The following TTC28 variants were observed in gnomAD, a reference collection of about 807,000 sequenced individuals.
The protein encoded by TTC28 is tetratricopeptide repeat domain 28, also known as tetratricopeptide repeat protein 28.
TTC28 carries 61 observed loss-of-function variants against 198.0 expected under a neutral mutation model. The ratio of observed to expected loss-of-function variants is 0.31; its 90% CI spans 0.25 to 0.38. TTC28 has a LOEUF of 0.38. TTC28 is among the 10% of genes least tolerant of loss of function. The probability of loss-of-function intolerance (pLI) is 1.00; values close to 1 mark genes in which losing one functional copy is unlikely to be tolerated. For missense variants in TTC28, 2,678 were observed against 3,164.0 expected (o/e 0.85, Z 3.69); for synonymous variants, 1,171 against 1,297.8 (o/e 0.90, Z 2.10).
At chr22:28,592,134 G>A (rs1323442598) in intron 2 of TTC28, among the ~76,000 whole-genome samples, 1 of 152,120 alleles carries the variant, frequency 6.6e-6, no homozygotes, top group Non-Finnish European at 1.5e-5. Flanking sequence ...ACTAGGTTAT[G>A]AAGAGAAGCT....
intron 2 of TTC28, among the ~76,000 whole-genome samples, chr22:28,579,752 T>C (rs2050208165): frequency 6.6e-6 from 1 of 151,738 alleles, no homozygotes; most frequent in Non-Finnish European, 1.5e-5. Flanking sequence ...GCAGATCACT[T>C]GAGGTCAGGA....
intron 5 of TTC28, among the ~76,000 whole-genome samples, chr22:28,231,677 G>A (rs1928817412): frequency 6.6e-6 from 1 of 152,194 alleles, no homozygotes; most frequent in Non-Finnish European, 1.5e-5. Context: ...ACTCAGCTGT[G>A]ATAGACCAGG....
intron 8 of TTC28, among the ~76,000 whole-genome samples, chr22:28,101,777 T>A: frequency 1.0e-5 from 1 of 95,926 alleles, no homozygotes; most frequent in East Asian, 3.2e-4. Context: ...GAGACCCATC[T>A]CTGTTAAAAA....
intron 1 of TTC28, among the ~76,000 whole-genome samples, chr22:28,652,694 C>A (rs2051582360): frequency 6.6e-6 from 1 of 152,150 alleles, no homozygotes; most frequent in Non-Finnish European, 1.5e-5. Flanking sequence ...TTGTTCCAGG[C>A]TGAAACAACA....
intron 5 of TTC28, among the ~76,000 whole-genome samples, chr22:28,207,379 T>A (rs559550795): frequency 2.0e-5 from 3 of 152,236 alleles, no homozygotes; most frequent in African/African-American, 7.2e-5. Flanking sequence ...AAAAACACTA[T>A]GCTTGGCTAC....
chr22:28,236,152 G>C (rs890317625), intron 5 of TTC28, among the ~76,000 whole-genome samples: 1 of 152,118 alleles, frequency 6.6e-6, no homozygotes, highest in African/African-American at 2.4e-5. Context: ...CACAATCCTA[G>C]TTCCGCAGCT....
At chr22:28,373,078 G>A (rs571315078) in intron 2 of TTC28, among the ~76,000 whole-genome samples, 109 of 152,196 alleles carry the variant, frequency 7.2e-4, no homozygotes, top group African/African-American at 2.4e-3. Flanking sequence ...ATGGATACAG[G>A]TGACCTCACC....
chr22:28,209,313 G>A (rs1926692703), intron 5 of TTC28, among the ~76,000 whole-genome samples: 1 of 152,310 alleles, frequency 6.6e-6, no homozygotes, highest in Admixed American at 6.5e-5. Flanking sequence ...GCAACCCACA[G>A]AGTGTGAGCC....
At chr22:28,338,672 C>T (rs570865977) in intron 2 of TTC28, among the ~76,000 whole-genome samples, 6 of 152,126 alleles carry the variant, frequency 3.9e-5, no homozygotes, top group South Asian at 2.1e-4. Flanking sequence ...GTTCTCGTGC[C>T]GTGGTTTTCA....
intron 21 of TTC28, among the ~76,000 whole-genome samples, chr22:27,986,639 T>C (rs1385611966): frequency 6.6e-6 from 1 of 152,202 alleles, no homozygotes; most frequent in African/African-American, 2.4e-5. Context: ...GGGCCCATAG[T>C]ACACGATGTT....
In TTC28 at chr22:28,591,036, CACACATATATATAT is replaced by C. The variant is rs1336869183; in HGVS notation, c.381+38502_381+38515del. ...ACACACACACACACACACACACACA[CACACATATATATAT>C]ATATATATATATATATATATATATA... is the stretch of plus-strand genomic sequence containing the variant. On this transcript the variant is annotated intron_variant, in intron 2 of 22. Coordinates refer to ENST00000397906, the MANE Select transcript of TTC28 (RefSeq NM_001145418.2). Among the ~76,000 whole-genome samples, 144 of 29,264 alleles carry C rather than the reference CACACATATATATAT, an allele frequency of 4.9e-3. 1 individual carries two copies. The highest frequency in any genetic ancestry group is 0.019 in the Middle Eastern group (1 of 52). 19.2% of individuals were successfully genotyped at this position (29,264 alleles called of 152,430 possible).
intron 21 of TTC28, among the ~76,000 whole-genome samples, chr22:27,987,531 A>G (rs1325439196): frequency 1.3e-5 from 2 of 152,208 alleles, no homozygotes; most frequent in Admixed American, 6.5e-5. Flanking sequence ...CAGGAGCTGG[A>G]GAACAGCCTG....
At chr22:27,998,225 C>G (rs372882807) in intron 16 of TTC28, 38 of 430,976 alleles carry the variant, frequency 8.8e-5, no homozygotes, top group African/African-American at 6.3e-4. Flanking sequence ...ACCACACACT[C>G]CTTTCTACAG....
At chr22:28,458,880 C>CAAA (rs770042819) in intron 2 of TTC28, among the ~76,000 whole-genome samples, 1 of 105,346 alleles carries the variant, frequency 9.5e-6, no homozygotes, top group Non-Finnish European at 2.0e-5. Context: ...GACTCCATCT[C>CAAA]AAAAAAAAAA....
intron 5 of TTC28, among the ~76,000 whole-genome samples, chr22:28,182,056 G>T (rs1370735831): frequency 2.0e-5 from 3 of 151,858 alleles, no homozygotes; most frequent in East Asian, 1.9e-4. Context: ...GTTTGTTTGG[G>T]GTTAAATTCT....
chr22:28,051,531 G>T (rs1940086708), intron 12 of TTC28, among the ~76,000 whole-genome samples: 1 of 151,978 alleles, frequency 6.6e-6, no homozygotes, highest in Admixed American at 6.6e-5. Flanking sequence ...TTTCTACAAG[G>T]ATCTGTTTCC....
rs112319048 is a variant in TTC28, at chr22:28,061,412, G to A, written c.3933-31046C>T. Reference sequence around the variant, plus strand: ...TTTTTGTATAAGGTGTAAGGAAGGGGTCCAGTTTCAGCTTTCTACATATGG... The same window carrying A: ...TTTTTGTATAAGGTGTAAGGAAGGGATCCAGTTTCAGCTTTCTACATATGG... On this transcript the variant is annotated intron_variant, in intron 12 of 22. Transcript: ENST00000397906. 1.2e-4 allele frequency among the ~76,000 whole-genome samples: 19 copies of A among 152,154 alleles called. No individual in the cohort carries two copies. In the East Asian group the frequency reaches 1.4e-3, roughly 11 times the overall value.
intron 5 of TTC28, among the ~76,000 whole-genome samples, chr22:28,163,838 C>T (rs894929188): frequency 2.0e-5 from 3 of 152,152 alleles, no homozygotes; most frequent in East Asian, 1.9e-4. Flanking sequence ...AGCTGAAGCA[C>T]GGCGAGGCAT....
intron 19 of TTC28, among the ~76,000 whole-genome samples, chr22:27,991,540 T>C (rs529685147): frequency 6.6e-6 from 1 of 152,224 alleles, no homozygotes; most frequent in Non-Finnish European, 1.5e-5. Flanking sequence ...CAGAGGCTAA[T>C]AGTAGATGGA....
Sources: allele counts gnomAD v4.1 joint callset (sites outside exome capture counted in the v4.1 genomes callset), GRCh38; gene constraint gnomAD v4.1.1; transcripts MANE v1.5; gene names NCBI Gene and HGNC (gene_info 2026-07-23, HGNC 2026-07-21).